The following ELOVL6 variants were observed in gnomAD, a reference collection of about 807,000 sequenced individuals.
The protein encoded by ELOVL6 is ELOVL fatty acid elongase 6, also known as very long chain fatty acid elongase 6.
Under a neutral mutation model 31.7 loss-of-function variants are expected in ELOVL6, and 8 were observed. That is an observed-to-expected ratio of 0.25 (90% CI 0.15 to 0.45). The LOEUF (loss-of-function observed/expected upper bound fraction) is 0.45. Among genes scored for constraint, ELOVL6 ranks in the 20% least tolerant of loss-of-function variants. The pLI is 1.00. For synonymous variants in ELOVL6, 101 were observed against 117.7 expected (o/e 0.86, Z 0.92); for missense variants, 126 against 326.4 (o/e 0.39, Z 4.73).
At chr4:110,067,408 C>T (rs183158364) in intron 2 of ELOVL6, among the ~76,000 whole-genome samples, 43 of 152,224 alleles carry the variant, frequency 2.8e-4, no homozygotes, top group African/African-American at 9.9e-4. Context: ...TGCATTAGTC[C>T]GTTCTCACAC....
intron 1 of ELOVL6, among the ~76,000 whole-genome samples, chr4:110,118,390 T>G (rs1230928559): frequency 6.6e-6 from 1 of 152,178 alleles, no homozygotes; most frequent in Non-Finnish European, 1.5e-5. Context: ...TAACCACTTT[T>G]ATAGATAATT....
At chr4:110,176,189 G>T (rs1759099250) in intron 1 of ELOVL6, among the ~76,000 whole-genome samples, 1 of 151,402 alleles carries the variant, frequency 6.6e-6, no homozygotes, top group African/African-American at 2.4e-5. Context: ...TTGAGATGGA[G>T]TCTCACTCTG....
intron 1 of ELOVL6, among the ~76,000 whole-genome samples, chr4:110,168,763 G>A (rs1184302622): frequency 1.3e-5 from 2 of 152,094 alleles, no homozygotes; most frequent in Non-Finnish European, 2.9e-5. Context: ...TGGGTTTGAA[G>A]CCTCACTCTG....
At chr4:110,117,030 G>A (rs1300836901) in intron 1 of ELOVL6, among the ~76,000 whole-genome samples, 2 of 152,234 alleles carry the variant, frequency 1.3e-5, no homozygotes, top group South Asian at 2.1e-4. Context: ...TTCAATCTGT[G>A]GACCTCTTCT....
intron 3 of ELOVL6, among the ~76,000 whole-genome samples, chr4:110,056,129 G>GGA (rs1553953534): frequency 7.0e-6 from 1 of 143,138 alleles, no homozygotes; most frequent in African/African-American, 2.7e-5. Context: ...AGCTGGGGGG[G>GGA]GGGATACAGT....
At chr4:110,175,651 TA>T (rs1228555680) in intron 1 of ELOVL6, among the ~76,000 whole-genome samples, 7 of 152,230 alleles carry the variant, frequency 4.6e-5, no homozygotes, top group Non-Finnish European at 1.0e-4. Context: ...AGAAGACTTT[TA>T]CCCTCTCCAA....
At chr4:110,158,657 A>ATATATATATATATATTTTTTTT in intron 1 of ELOVL6, among the ~76,000 whole-genome samples, 1 of 74,162 alleles carries the variant, frequency 1.3e-5, no homozygotes, top group Non-Finnish European at 2.3e-5. Flanking sequence ...ATATATATAT[A>ATATATATATATATATTTTTTTT]TTTTTTTTTT....
intron 1 of ELOVL6, among the ~76,000 whole-genome samples, chr4:110,141,658 T>C (rs939162383): frequency 6.7e-6 from 1 of 148,332 alleles, no homozygotes; most frequent in Admixed American, 6.8e-5. Context: ...ATTGTATTAG[T>C]ATATATATAT....
At chr4:110,094,508 CAT>C (rs1401864629) in intron 2 of ELOVL6, among the ~76,000 whole-genome samples, 1 of 117,792 alleles carries the variant, frequency 8.5e-6, no homozygotes, top group African/African-American at 3.1e-5. Context: ...ATTATATATA[CAT>C]ATATATAATT....
intron 1 of ELOVL6, among the ~76,000 whole-genome samples, chr4:110,195,417 G>A (rs1231356151): frequency 1.3e-5 from 2 of 152,100 alleles, no homozygotes; most frequent in Non-Finnish European, 2.9e-5. Context: ...ACCACACCCG[G>A]CTAATAAAAT....
At chr4:110,149,178 G>A (rs958741954) in intron 1 of ELOVL6, among the ~76,000 whole-genome samples, 12 of 152,076 alleles carry the variant, frequency 7.9e-5, no homozygotes, top group Admixed American at 5.2e-4. Context: ...TATTGTTGAC[G>A]GGAATGCAAA....
chr4:110,084,313 C>CAAATTTG (rs1716560520), intron 2 of ELOVL6, among the ~76,000 whole-genome samples: 1 of 52,158 alleles, frequency 1.9e-5, no homozygotes, highest in Non-Finnish European at 3.4e-5. Flanking sequence ...TAACATATAA[C>CAAATTTG]ATATATAAAT....
intron 2 of ELOVL6, among the ~76,000 whole-genome samples, chr4:110,094,216 T>C: frequency 7.0e-6 from 1 of 143,878 alleles, no homozygotes; most frequent in Non-Finnish European, 1.5e-5. Context: ...GCCACTGCAC[T>C]CCAGCCTGGG....
chr4:110,096,363 CA>C (rs1756580672), intron 2 of ELOVL6, among the ~76,000 whole-genome samples: 1 of 152,092 alleles, frequency 6.6e-6, no homozygotes, highest in Admixed American at 6.5e-5. Context: ...CGTGGTTTCT[CA>C]AAAGGGGTCA....
chr4:110,153,004 G>T (rs1247150902), intron 1 of ELOVL6, among the ~76,000 whole-genome samples: 1 of 152,146 alleles, frequency 6.6e-6, no homozygotes, highest in Non-Finnish European at 1.5e-5. Context: ...TGAAGAGCAG[G>T]AATGACACAG....
chr4:110,196,222 G>C (rs554721595), intron 1 of ELOVL6, among the ~76,000 whole-genome samples: 1 of 152,236 alleles, frequency 6.6e-6, no homozygotes, highest in East Asian at 1.9e-4. Context: ...AGCGGACTCC[G>C]GAAGAGCAGG....
chr4:110,094,870 A>C (rs991618995), intron 2 of ELOVL6, among the ~76,000 whole-genome samples: 4 of 152,210 alleles, frequency 2.6e-5, no homozygotes, highest in Non-Finnish European at 5.9e-5. Flanking sequence ...ATAATCACAT[A>C]TGACTGCAAA....
chr4:110,124,875 G>A (rs549192380), intron 1 of ELOVL6, among the ~76,000 whole-genome samples: 5 of 152,242 alleles, frequency 3.3e-5, no homozygotes, highest in Non-Finnish European at 5.9e-5. Context: ...CTGGCCAACT[G>A]TTTTTAGGTC....
chr4:110,118,017 G>A (rs1578493959), intron 1 of ELOVL6: 1 of 134,726 alleles, frequency 7.4e-6, no homozygotes, highest in South Asian at 2.8e-4. Context: ...GGAGTGCAGT[G>A]GTGAGATCTC....
Sources: gnomAD v4.1 joint callset for allele counts (sites outside exome capture counted in the v4.1 genomes callset) on GRCh38, gnomAD v4.1.1 for gene constraint, MANE v1.5 for transcripts, NCBI Gene and HGNC (gene_info 2026-07-23, HGNC 2026-07-21) for gene names.